Variants in SUPT3H observed in about 807,000 individuals in gnomAD.
SUPT3H encodes the protein SPT3 homolog, SAGA and STAGA complex component.
A neutral mutation model predicts 44.3 loss-of-function variants in SUPT3H; 44 were observed. That is an observed-to-expected ratio of 0.99 (90% CI 0.78 to 1.28). The LOEUF is 1.28. Among genes scored for constraint, SUPT3H ranks in the 50% most tolerant of loss-of-function variants. SUPT3H has a pLI of 0.00. For synonymous variants in SUPT3H, 124 were observed against 125.6 expected, an observed-to-expected ratio of 0.99 and a Z score of 0.09; for missense variants, 380 against 387.1, an observed-to-expected ratio of 0.98 and a Z score of 0.15.
At chr6:45,230,019 T>C (rs1767658107) in intron 2 of SUPT3H, among the ~76,000 whole-genome samples, 1 of 152,190 alleles carries the variant, frequency 6.6e-6, no homozygotes, top group South Asian at 2.1e-4. Context: ...GTATCTATTC[T>C]TCTATTCTCC....
chr6:45,020,434 CAATAG>C (rs1562276776), intron 4 of SUPT3H, 107 bp downstream of exon 4: 1 of 743,938 alleles, frequency 1.3e-6, no homozygotes. Context: ...AACATCAGTT[CAATAG>C]TTATTATTTT....
chr6:44,822,177 CTGTT>C (rs1250677997), downstream of SUPT3H, among the ~76,000 whole-genome samples: 7 of 152,278 alleles, frequency 4.6e-5, no homozygotes, highest in East Asian at 1.4e-3. Flanking sequence ...CTCAGGCTCA[CTGTT>C]TGGGGCCTGC....
intron 2 of SUPT3H, among the ~76,000 whole-genome samples, chr6:45,342,585 A>G (rs1790022653): frequency 6.6e-6 from 1 of 152,190 alleles, no homozygotes; most frequent in Non-Finnish European, 1.5e-5. Flanking sequence ...TAAAAATAAT[A>G]TGAGAGTGCC....
chr6:45,303,502 A>G (rs1253292234), intron 2 of SUPT3H, among the ~76,000 whole-genome samples: 1 of 152,174 alleles, frequency 6.6e-6, no homozygotes, highest in Non-Finnish European at 1.5e-5. Flanking sequence ...AATGGCCAAC[A>G]AACATATGAA....
chr6:45,021,681 CT>C (rs1178748462), intron 3 of SUPT3H, among the ~76,000 whole-genome samples: 1 of 151,988 alleles, frequency 6.6e-6, no homozygotes, highest in African/African-American at 2.4e-5. Flanking sequence ...ATGTGACACA[CT>C]ATTATCTCAA....
chr6:45,352,461 T>C (rs1312026964), intron 2 of SUPT3H, among the ~76,000 whole-genome samples: 1 of 152,004 alleles, frequency 6.6e-6, no homozygotes, highest in African/African-American at 2.4e-5. Context: ...GGAAAGAAGG[T>C]GAAACATTGC....
At chr6:45,122,980 C>T (rs1801888654) in intron 2 of SUPT3H, among the ~76,000 whole-genome samples, 1 of 152,232 alleles carries the variant, frequency 6.6e-6, no homozygotes, top group Admixed American at 6.5e-5. Flanking sequence ...TATTCTAATA[C>T]CCTATTACTT....
At chr6:45,138,729 A>G (rs1370700492) in intron 2 of SUPT3H, among the ~76,000 whole-genome samples, 2 of 152,212 alleles carry the variant, frequency 1.3e-5, no homozygotes, top group African/African-American at 2.4e-5. Context: ...GGGTACAAAT[A>G]GGATCAAAAG....
intron 2 of SUPT3H, among the ~76,000 whole-genome samples, chr6:45,187,303 T>A (rs1443496454): frequency 6.6e-6 from 1 of 151,546 alleles, no homozygotes; most frequent in East Asian, 1.9e-4. Context: ...TAATTTCAGC[T>A]ACTCAGGAGG....
At chr6:45,091,088 T>C (rs1379788052) in intron 3 of SUPT3H, among the ~76,000 whole-genome samples, 2 of 151,996 alleles carry the variant, frequency 1.3e-5, no homozygotes, top group African/African-American at 4.8e-5. Context: ...ATATATTGAA[T>C]TACCTTTGTC....
intron 2 of SUPT3H, among the ~76,000 whole-genome samples, chr6:45,257,848 G>C (rs1372980454): frequency 1.3e-5 from 2 of 152,122 alleles, no homozygotes; most frequent in East Asian, 1.9e-4. Context: ...TGTGGCTGCA[G>C]CATTTACCCT....
chr6:45,210,087 T>G (rs541800566), intron 2 of SUPT3H, among the ~76,000 whole-genome samples: 7 of 152,132 alleles, frequency 4.6e-5, no homozygotes, highest in Non-Finnish European at 1.0e-4. Context: ...AATTAAGGTA[T>G]GTATACTGCT....
intron 2 of SUPT3H, among the ~76,000 whole-genome samples, chr6:45,284,547 G>A (rs1778840922): frequency 6.6e-6 from 1 of 152,154 alleles, no homozygotes; most frequent in African/African-American, 2.4e-5. Context: ...AAACGAGGAA[G>A]AAGTTGAATC....
intron 5 of SUPT3H, among the ~76,000 whole-genome samples, chr6:45,009,231 C>T (rs570732830): frequency 3.3e-5 from 5 of 152,084 alleles, no homozygotes; most frequent in Non-Finnish European, 7.4e-5. Context: ...TGTCTTTTCA[C>T]TTTCTTGATG....
At chr6:45,376,992 T>TA (rs1796880941) in intron 1 of SUPT3H, among the ~76,000 whole-genome samples, 1 of 152,210 alleles carries the variant, frequency 6.6e-6, no homozygotes, top group African/African-American at 2.4e-5. Context: ...ACGTGTACAG[T>TA]AATACTACGT....
chr6:45,372,300 C>G (rs997932849), intron 1 of SUPT3H, among the ~76,000 whole-genome samples: 2 of 152,186 alleles, frequency 1.3e-5, no homozygotes, highest in African/African-American at 2.4e-5. Context: ...CCTTAGTAAA[C>G]CGCCTTGTAC....
At chr6:44,819,609 T>C (rs868580524) in intron 11 of SUPT3H, among the ~76,000 whole-genome samples, 9 of 150,972 alleles carry the variant, frequency 6.0e-5, no homozygotes, top group Non-Finnish European at 1.0e-4. Context: ...CTGAGCAACA[T>C]AGTGAGACCC....
intron 3 of SUPT3H, chr6:45,099,106 C>A (rs747193664): frequency 8.5e-5 from 30 of 352,836 alleles, no homozygotes; most frequent in African/African-American, 1.5e-4. Flanking sequence ...CAGCCACCAG[C>A]CCCTAGTCTT....
At position 45,248,293 on chromosome 6, in the gene SUPT3H, A is replaced by G. The variant is rs545899170; in HGVS notation, c.101+116908T>C. Among the ~76,000 whole-genome samples, 282 of 152,252 alleles carry G rather than the reference A, an allele frequency of 1.9e-3. 1 individual carries two copies. The highest frequency in any genetic ancestry group is 6.3e-3 in the African/African-American group (261 of 41,588). On this transcript the variant is annotated intron_variant, in intron 2 of 10. Transcript: ENST00000371459. ...CTCTGCCAAAGATGCTGTTGGAAAAATGAAAAGCTACATATTTCCATGGGA... is the reference window on the plus strand; with the variant it reads ...CTCTGCCAAAGATGCTGTTGGAAAAGTGAAAAGCTACATATTTCCATGGGA...
Sources: gnomAD v4.1 joint callset for allele counts (sites outside exome capture counted in the v4.1 genomes callset) on GRCh38, gnomAD v4.1.1 for gene constraint, MANE v1.5 for transcripts, NCBI Gene and HGNC (gene_info 2026-07-23, HGNC 2026-07-21) for gene names.